The following TUSC3 variants were observed in gnomAD, a reference collection of about 807,000 sequenced individuals.
The protein encoded by TUSC3 is dolichyl-diphosphooligosaccharide--protein glycosyltransferase subunit TUSC3.
In TUSC3, 45 loss-of-function variants were observed where a neutral mutation model predicts 44.8. The observed-to-expected ratio is 1.00, with a 90% CI of 0.79 to 1.29. The LOEUF is 1.29. TUSC3 is among the 50% of genes most tolerant of loss of function. The pLI is 0.00. For missense variants in TUSC3, 519 were observed against 437.9 expected (o/e 1.19, Z -1.65); for synonymous variants, 212 against 152.9 (o/e 1.39, Z -2.85).
chr8:15,746,757 A>C (rs1811434584), intron 8 of TUSC3, among the ~76,000 whole-genome samples: 1 of 152,100 alleles, frequency 6.6e-6, no homozygotes. Context: ...AAGGAGATGG[A>C]AGGAAAAGAA....
chr8:15,782,844 G>A, the TUSC3 span, among the ~76,000 whole-genome samples: 218 of 152,196 alleles, frequency 1.4e-3, no homozygotes, highest in African/African-American at 4.5e-3. Flanking sequence ...CTCTCACCAC[G>A]TGTATTCAAC....
chr8:15,767,464 T>A (rs1385483460), downstream of TUSC3, among the ~76,000 whole-genome samples: 1 of 152,054 alleles, frequency 6.6e-6, no homozygotes, highest in Non-Finnish European at 1.5e-5. Context: ...ACATTCCATT[T>A]TATTGGAAAT....
intron 2 of TUSC3, among the ~76,000 whole-genome samples, chr8:15,490,203 C>A (rs551577507): frequency 6.6e-6 from 1 of 152,122 alleles, no homozygotes; most frequent in African/African-American, 2.4e-5. Flanking sequence ...ACATTAGGAC[C>A]AATCTGAAGC....
intron 1 of TUSC3, among the ~76,000 whole-genome samples, chr8:15,542,744 A>G (rs1801733427): frequency 6.6e-6 from 1 of 152,208 alleles, no homozygotes; most frequent in South Asian, 2.1e-4. Flanking sequence ...AAAATTAGGG[A>G]GAACATTGTT....
intron 1 of TUSC3, among the ~76,000 whole-genome samples, chr8:15,590,319 A>G (rs796163711): frequency 1.7e-4 from 26 of 152,312 alleles, no homozygotes; most frequent in African/African-American, 6.0e-4. Flanking sequence ...GTTAATGGCA[A>G]AGACAGTTTA....
At chr8:15,626,111 C>G (rs1225521978) in intron 2 of TUSC3, among the ~76,000 whole-genome samples, 1 of 152,164 alleles carries the variant, frequency 6.6e-6, no homozygotes, top group East Asian at 1.9e-4. Flanking sequence ...ACCGTGCCCC[C>G]TGTGCCCTGT....
At chr8:15,471,676 C>T (rs776161861) in intron 1 of TUSC3, among the ~76,000 whole-genome samples, 3 of 149,558 alleles carry the variant, frequency 2.0e-5, no homozygotes, top group Non-Finnish European at 3.0e-5. Flanking sequence ...GGAGAACAAT[C>T]GTGTGATCTC....
chr8:15,460,587 T>C (rs952118452), intron 1 of TUSC3, among the ~76,000 whole-genome samples: 1 of 152,172 alleles, frequency 6.6e-6, no homozygotes, highest in Non-Finnish European at 1.5e-5. Flanking sequence ...GGGTTCTTGG[T>C]CATAAAATCC....
chr8:15,455,639 G>A (rs1166480008), intron 1 of TUSC3, among the ~76,000 whole-genome samples: 3 of 152,050 alleles, frequency 2.0e-5, no homozygotes, highest in African/African-American at 7.2e-5. Flanking sequence ...TAGGCTTCTA[G>A]CCAATGAGAC....
chr8:15,696,290 G>A (rs1350206629), intron 6 of TUSC3, among the ~76,000 whole-genome samples: 1 of 152,158 alleles, frequency 6.6e-6, no homozygotes, highest in Non-Finnish European at 1.5e-5. Flanking sequence ...TCGGGATGTG[G>A]ATTCCGAGGG....
chr8:15,692,375 G>GTTTTTTTTTTTTTTTT (rs59838929), intron 6 of TUSC3, among the ~76,000 whole-genome samples: 22 of 68,344 alleles, frequency 3.2e-4, no homozygotes, highest in East Asian at 1.0e-3. Context: ...CCCCCCCTTT[G>GTTTTTTTTTTTTTTTT]TTTTTTTTTT....
Position 15,433,436 on chromosome 8 carries a change from A to T in TUSC3, n.91+16131A>T, listed in dbSNP as rs1160300189. On this transcript the variant is annotated intron_variant and non_coding_transcript_variant, in intron 1 of 5. Transcript: ENST00000503191. ...AGACCTTTTATTAGTTTGAGTTTTG[A>T]CAAATGTATGTCATGGATAACCACT... 3.3e-5 allele frequency among the ~76,000 whole-genome samples: 5 copies of T among 152,154 alleles called. No individual in the cohort carries two copies. The East Asian group carries it at 9.6e-4, about 29-fold the overall frequency.
At chr8:15,590,437 C>T (rs1803778457) in intron 1 of TUSC3, among the ~76,000 whole-genome samples, 1 of 152,040 alleles carries the variant, frequency 6.6e-6, no homozygotes, top group Admixed American at 6.6e-5. Context: ...TCTTTCTCCT[C>T]CGGCTTCTAA....
chr8:15,673,549 T>C (rs563189365), intron 5 of TUSC3, among the ~76,000 whole-genome samples, 198 bp from the exon 6 acceptor site: 70 of 152,088 alleles, frequency 4.6e-4, no homozygotes, highest in Non-Finnish European at 9.0e-4. Context: ...ATACCAATTT[T>C]ATAGATACGG....
Position 15,748,415 on chromosome 8 carries a change from C to T in TUSC3, c.978C>T (p.Phe326=). 1.2e-6 allele frequency: 2 copies of T among 1,613,470 alleles called. No homozygotes were observed. The highest frequency in any genetic ancestry group is 1.1e-5 in the South Asian group (1 of 91,066). Residue 326 remains phenylalanine, a synonymous_variant, in exon 9 of 11, where the codon TTC becomes TTT. Transcript: ENST00000503731. Reference sequence around the variant, plus strand: ...GATTGGGCCTGGTGGTCTTCTTCTTCAGTTTTCTACTTTCAATATTTCGTT... The same window carrying T: ...GATTGGGCCTGGTGGTCTTCTTCTTTAGTTTTCTACTTTCAATATTTCGTT... ...LVGLGLVVFF[F]SFLLSIFRSK...
intron 6 of TUSC3, among the ~76,000 whole-genome samples, chr8:15,712,052 G>A (rs1026761461): frequency 2.0e-5 from 3 of 151,622 alleles, no homozygotes; most frequent in Non-Finnish European, 2.9e-5. Context: ...GCACAGTTTC[G>A]TCACATAATA....
chr8:15,805,622 G>A, the TUSC3 span, among the ~76,000 whole-genome samples: 5,875 of 152,196 alleles, frequency 0.039, 187 homozygotes, highest in Admixed American at 0.075. Context: ...TTTATGTGAC[G>A]AATTTACTGA....
At chr8:15,460,179 C>G (rs934320308) in intron 1 of TUSC3, among the ~76,000 whole-genome samples, 2 of 152,128 alleles carry the variant, frequency 1.3e-5, no homozygotes, top group African/African-American at 4.8e-5. Context: ...TCCCTGATCT[C>G]TGCATCCACA....
At chr8:15,553,166 T>C (rs961837329) in intron 1 of TUSC3, among the ~76,000 whole-genome samples, 5 of 151,852 alleles carry the variant, frequency 3.3e-5, no homozygotes, top group South Asian at 4.2e-4. Flanking sequence ...TAAACTGAGA[T>C]GTTTGAGAAG....
Sources: allele counts gnomAD v4.1 joint callset (sites outside exome capture counted in the v4.1 genomes callset), GRCh38; gene constraint gnomAD v4.1.1; transcripts MANE v1.5; gene names NCBI Gene and HGNC (gene_info 2026-07-23, HGNC 2026-07-21).